CWF19L2: variants seen among roughly 807,000 people sequenced by gnomAD.
The protein encoded by CWF19L2 is CWF19-like protein 2.
In CWF19L2, 98 loss-of-function variants were observed where a neutral mutation model predicts 111.7. The ratio of observed to expected loss-of-function variants is 0.88; its 90% CI spans 0.75 to 1.04. The LOEUF is 1.04. Among genes scored for constraint, CWF19L2 ranks in the 50% least tolerant of loss-of-function variants. The pLI is 0.00. For synonymous variants in CWF19L2, 351 were observed against 342.9 expected (o/e 1.02, Z -0.26); for missense variants, 1,101 against 1,051.4 (o/e 1.05, Z -0.65).
At chr11:107,437,099 C>T (rs1861551546) in intron 6 of CWF19L2, among the ~76,000 whole-genome samples, 1 of 152,064 alleles carries the variant, frequency 6.6e-6, no homozygotes, top group South Asian at 2.1e-4. Flanking sequence ...TCAATCATTA[C>T]AAAAACCTGT....
intron 13 of CWF19L2, among the ~76,000 whole-genome samples, chr11:107,351,301 C>T (rs1356123391): frequency 6.6e-6 from 1 of 151,970 alleles, no homozygotes; most frequent in Non-Finnish European, 1.5e-5. Flanking sequence ...AAGTAAAGGA[C>T]TCAATATTAC....
chr11:107,390,266 T>C, intron 11 of CWF19L2, 55 bp from the exon 12 acceptor site: 1 of 1,328,726 alleles, frequency 7.5e-7, no homozygotes, highest in Non-Finnish European at 1.0e-6. Flanking sequence ...CTGAAGTATT[T>C]CTTGATGGAT....
At chr11:107,395,037 G>A (rs1860902283) in intron 10 of CWF19L2, among the ~76,000 whole-genome samples, 1 of 152,122 alleles carries the variant, frequency 6.6e-6, no homozygotes, top group African/African-American at 2.4e-5. Flanking sequence ...TATAGCAATT[G>A]TATAGAACTG....
intron 12 of CWF19L2, among the ~76,000 whole-genome samples, chr11:107,381,055 G>A (rs144931006): frequency 3.8e-3 from 575 of 152,252 alleles, no homozygotes; most frequent in Admixed American, 8.2e-3. Context: ...GGGGGCTGGG[G>A]TAAATGGAAG....
intron 12 of CWF19L2, among the ~76,000 whole-genome samples, chr11:107,369,115 C>T (rs1172439077): frequency 7.3e-6 from 1 of 137,648 alleles, no homozygotes; most frequent in African/African-American, 2.9e-5. Flanking sequence ...GAATGTAACG[C>T]CAGTTGCTTC....
intron 12 of CWF19L2, among the ~76,000 whole-genome samples, chr11:107,373,329 A>G (rs528668999): frequency 7.7e-6 from 1 of 130,148 alleles, no homozygotes; most frequent in East Asian, 2.3e-4. Flanking sequence ...GGCACAGACA[A>G]ACAAAAAGAC....
At chr11:107,386,091 T>A (rs1177193966) in intron 12 of CWF19L2, among the ~76,000 whole-genome samples, 1 of 152,106 alleles carries the variant, frequency 6.6e-6, no homozygotes, top group Non-Finnish European at 1.5e-5. Flanking sequence ...CCATCCACAG[T>A]TTCAGACATC....
chr11:107,333,618 T>C (rs890974192), intron 16 of CWF19L2, among the ~76,000 whole-genome samples: 7 of 152,204 alleles, frequency 4.6e-5, no homozygotes, highest in Non-Finnish European at 1.0e-4. Flanking sequence ...TGTTTTGTTT[T>C]ACTTTGTTTT....
chr11:107,403,469 G>A, intron 10 of CWF19L2: 1 of 808,242 alleles, frequency 1.2e-6, no homozygotes, highest in East Asian at 2.5e-5. Context: ...GTTGCTCTCT[G>A]AGCCAGTGTT....
chr11:107,380,396 G>A (rs973217647), intron 12 of CWF19L2, among the ~76,000 whole-genome samples: 8 of 152,084 alleles, frequency 5.3e-5, no homozygotes, highest in African/African-American at 1.7e-4. Context: ...GGATAGTGAA[G>A]CTATTAAACC....
intron 17 of CWF19L2, among the ~76,000 whole-genome samples, chr11:107,327,692 G>A (rs1490452062): frequency 6.6e-6 from 1 of 151,928 alleles, no homozygotes; most frequent in Admixed American, 6.6e-5. Context: ...CTCTTCCTGT[G>A]CTGTTAGCTA....
chr11:107,342,289 T>G (rs893202893), intron 14 of CWF19L2, among the ~76,000 whole-genome samples: 2 of 151,994 alleles, frequency 1.3e-5, no homozygotes, highest in African/African-American at 4.8e-5. Context: ...GAAACTTCTT[T>G]TTAAAGTTGT....
At chr11:107,395,546 A>T (rs1442535371) in intron 10 of CWF19L2, among the ~76,000 whole-genome samples, 1 of 152,168 alleles carries the variant, frequency 6.6e-6, no homozygotes, top group African/African-American at 2.4e-5. Flanking sequence ...GTAAAATTTT[A>T]AAATATATAT....
chr11:107,427,530 T>A (rs1321703712), intron 8 of CWF19L2, among the ~76,000 whole-genome samples: 1 of 152,054 alleles, frequency 6.6e-6, no homozygotes, highest in Admixed American at 6.6e-5. Flanking sequence ...GACAACCGGT[T>A]GGAATACTAA....
rs571207484 is a variant in CWF19L2, at chr11:107,371,221, T to C, written c.1873-17485A>G. ...GATTTCACCATGTTAGCCAGGATGG[T>C]ATCGACCTCCTGACCTCGTGATCTG... On this transcript the variant is annotated intron_variant, in intron 12 of 17. Transcript: ENST00000282251. 1.8e-4 allele frequency among the ~76,000 whole-genome samples: 24 copies of C among 136,668 alleles called. 4 individuals are homozygous for C. In the South Asian group the frequency reaches 5.5e-3, roughly 31 times the overall value. 89.7% of individuals were successfully genotyped at this position (136,668 alleles called of 152,430 possible). A position where few individuals can be genotyped will look rare whatever the true frequency, so the allele number is the denominator to read the frequency against.
In CWF19L2 at chr11:107,403,516, C is replaced by T. The variant is rs545625509; in HGVS notation, c.1618-10621G>A. The T allele has an allele frequency of 7.3e-5, 60 of 824,340 alleles. 1 individual carries two copies. The South Asian group carries it at 8.0e-4, about 11-fold the overall frequency. The allele number at this position is 824,340 out of a possible 1,614,324, so 51.1% of individuals were successfully genotyped here. ...TTCCTTCCTCTGCCATACTGTCAAC[C>T]CCCTCCTGCCCATTCTCCTTGTCCT... On this transcript the variant is annotated intron_variant, in intron 10 of 17. Coordinates refer to ENST00000282251, the MANE Select transcript of CWF19L2 (RefSeq NM_152434.3).
At position 107,448,339 on chromosome 11, in the gene CWF19L2, G is replaced by A. The variant is rs536125803; in HGVS notation, c.340-5290C>T. Among the ~76,000 whole-genome samples the A allele has an allele frequency of 3.8e-3, 279 of 73,210 alleles. 1 individual carries two copies. Among genetic ancestry groups the A allele is most frequent in the African/African-American group, 0.015 (267 of 17,934 alleles). 48.0% of individuals were successfully genotyped at this position (73,210 alleles called of 152,430 possible). A position where few individuals can be genotyped will look rare whatever the true frequency, so the allele number is the denominator to read the frequency against. On this transcript the variant is annotated intron_variant, in intron 3 of 17. Transcript: ENST00000282251. ...CCGCCTGGCAACAGAGCGAGACTCC[G>A]TCACAAAAAAAAAAAAAAAAAAAAA...
At chr11:107,446,379 A>G (rs937851519) in intron 3 of CWF19L2, among the ~76,000 whole-genome samples, 2 of 152,228 alleles carry the variant, frequency 1.3e-5, no homozygotes, top group South Asian at 4.1e-4. Flanking sequence ...GCAATTCCTT[A>G]TGCATGAAAT....
At chr11:107,349,315 G>C (rs925279222) in intron 13 of CWF19L2, among the ~76,000 whole-genome samples, 6 of 152,074 alleles carry the variant, frequency 3.9e-5, no homozygotes, top group African/African-American at 1.4e-4. Flanking sequence ...TTTTACATCA[G>C]ACAACGATTA....
Sources: allele counts gnomAD v4.1 joint callset (sites outside exome capture counted in the v4.1 genomes callset), GRCh38; gene constraint gnomAD v4.1.1; transcripts MANE v1.5; gene names NCBI Gene and HGNC (gene_info 2026-07-23, HGNC 2026-07-21).